NALF1: variants seen among roughly 807,000 people sequenced by gnomAD.
NALF1 encodes the protein family with sequence similarity 155 member A.
In NALF1, 3 loss-of-function variants were observed where a neutral mutation model predicts 48.4. The observed-to-expected ratio is 0.06, with a 90% CI of 0.03 to 0.16. NALF1 has a LOEUF of 0.16. Ranked by LOEUF, NALF1 falls within the 10% of genes least tolerant of loss-of-function variation. The pLI, the probability that NALF1 is intolerant of heterozygous loss-of-function variation, is 1.00. For synonymous variants in NALF1, 262 were observed against 245.7 expected (o/e 1.07, Z -0.62); for missense variants, 526 against 571.5 (o/e 0.92, Z 0.81).
chr13:107,408,290 A>G (rs1883933772), intron 1 of NALF1, among the ~76,000 whole-genome samples: 1 of 152,148 alleles, frequency 6.6e-6, no homozygotes, highest in Non-Finnish European at 1.5e-5. Flanking sequence ...CAATTGGATT[A>G]TTTGTAATCC....
At chr13:107,854,884 G>GA (rs996686158) in intron 1 of NALF1, among the ~76,000 whole-genome samples, 11 of 121,334 alleles carry the variant, frequency 9.1e-5, no homozygotes, top group Middle Eastern at 8.3e-3. Flanking sequence ...AAAAAAAAAA[G>GA]AAAAAAAGAC....
chr13:107,431,971 G>A (rs534114377), intron 1 of NALF1, among the ~76,000 whole-genome samples: 1 of 152,228 alleles, frequency 6.6e-6, no homozygotes, highest in Admixed American at 6.5e-5. Flanking sequence ...TATATTTTCT[G>A]TCTGTGTTAG....
At chr13:107,664,545 C>T (rs1202131963) in intron 1 of NALF1, among the ~76,000 whole-genome samples, 1 of 152,122 alleles carries the variant, frequency 6.6e-6, no homozygotes, top group African/African-American at 2.4e-5. Flanking sequence ...TCTGATCTGC[C>T]TTCCTCACCG....
At chr13:107,464,700 A>G (rs961023513) in intron 1 of NALF1, among the ~76,000 whole-genome samples, 1 of 151,950 alleles carries the variant, frequency 6.6e-6, no homozygotes, top group African/African-American at 2.4e-5. Context: ...TTGTATTTTT[A>G]GTAGAGACAG....
intron 1 of NALF1, among the ~76,000 whole-genome samples, chr13:107,318,518 T>C (rs1208260712): frequency 6.6e-6 from 1 of 152,074 alleles, no homozygotes; most frequent in Non-Finnish European, 1.5e-5. Context: ...CAAATGGGAA[T>C]TTAGATTTCT....
intron 1 of NALF1, among the ~76,000 whole-genome samples, chr13:107,316,999 T>C (rs1345385126): frequency 1.3e-5 from 2 of 152,138 alleles, no homozygotes; most frequent in Non-Finnish European, 2.9e-5. Context: ...TTTAGAAATG[T>C]AAATGAAAGA....
intron 1 of NALF1, among the ~76,000 whole-genome samples, chr13:107,830,108 G>C (rs1001401784): frequency 6.6e-6 from 1 of 152,036 alleles, no homozygotes; most frequent in Admixed American, 6.6e-5. Flanking sequence ...AGAACAATTC[G>C]GCCCAGCTGT....
intron 1 of NALF1, among the ~76,000 whole-genome samples, chr13:107,639,978 G>A (rs138363099): frequency 5.3e-5 from 8 of 152,100 alleles, no homozygotes; most frequent in South Asian, 4.2e-4. Flanking sequence ...TTTTGAATTC[G>A]TCTTTATAAT....
chr13:107,351,462 C>T (rs1204941992), intron 1 of NALF1, among the ~76,000 whole-genome samples: 1 of 152,172 alleles, frequency 6.6e-6, no homozygotes, highest in Non-Finnish European at 1.5e-5. Context: ...TTTGATAAGG[C>T]TTATCACAGA....
intron 1 of NALF1, among the ~76,000 whole-genome samples, chr13:107,770,249 T>C (rs1877542623): frequency 6.6e-6 from 1 of 152,134 alleles, no homozygotes; most frequent in Non-Finnish European, 1.5e-5. Flanking sequence ...ATCTCCAACA[T>C]TAGCCAAAGT....
intron 1 of NALF1, among the ~76,000 whole-genome samples, chr13:107,593,664 A>G (rs1487800618): frequency 6.6e-6 from 1 of 151,934 alleles, no homozygotes; most frequent in Non-Finnish European, 1.5e-5. Flanking sequence ...TGTTTGGGGC[A>G]CATACATCAT....
chr13:107,474,732 G>GTA (rs1380894610), intron 1 of NALF1, among the ~76,000 whole-genome samples: 8 of 152,148 alleles, frequency 5.3e-5, no homozygotes, highest in African/African-American at 1.7e-4. Flanking sequence ...ATCCAAGTAC[G>GTA]TATATGGGTA....
At chr13:107,408,283 T>C (rs1171850184) in intron 1 of NALF1, among the ~76,000 whole-genome samples, 1 of 152,120 alleles carries the variant, frequency 6.6e-6, no homozygotes, top group Non-Finnish European at 1.5e-5. Context: ...AAGTATACAA[T>C]TGGATTATTT....
At position 107,867,156 on chromosome 13, in the gene NALF1, CCT is replaced by C. The variant is rs1449907147; in HGVS notation, c.-562_-561del. ...CTCCTCCTCCTCCTCTTCTTCTCCT[CCT>C]CTTCCTCCTCCTTCCTTTCCTTCTC... On this transcript the variant is annotated 5_prime_UTR_variant, in exon 1 of 3. Coordinates refer to ENST00000375915, the MANE Select transcript of NALF1 (RefSeq NM_001080396.3). This position sits in a 1 kb window ranked among gnomAD's most constrained non-coding sequence, Gnocchi z 4.4. Among the ~76,000 whole-genome samples the C allele has an allele frequency of 6.6e-6, 1 of 151,852 alleles. No homozygotes were observed. The highest frequency in any genetic ancestry group is 1.5e-5 in the Non-Finnish European group (1 of 67,908).
At chr13:107,588,461 C>T (rs909588987) in intron 1 of NALF1, among the ~76,000 whole-genome samples, 2 of 151,932 alleles carry the variant, frequency 1.3e-5, no homozygotes, top group African/African-American at 4.8e-5. Context: ...ACAGAGACCC[C>T]AAATAATTGG....
chr13:107,393,903 C>T (rs1013288573), intron 1 of NALF1, among the ~76,000 whole-genome samples: 1 of 152,046 alleles, frequency 6.6e-6, no homozygotes, highest in Non-Finnish European at 1.5e-5. Flanking sequence ...TTGAGTATCA[C>T]AAATGAGAAA....
intron 1 of NALF1, among the ~76,000 whole-genome samples, chr13:107,393,272 G>T (rs186458271): frequency 1.3e-5 from 2 of 151,976 alleles, no homozygotes; most frequent in Admixed American, 1.3e-4. Context: ...CAAAATTTTA[G>T]ATTTAAAATC....
At chr13:107,523,642 C>A (rs1296057605) in intron 1 of NALF1, among the ~76,000 whole-genome samples, 1 of 150,992 alleles carries the variant, frequency 6.6e-6, no homozygotes, top group Non-Finnish European at 1.5e-5. Flanking sequence ...GGAGAGATTG[C>A]CTTCTTAAGG....
chr13:107,656,752 C>G (rs999913658), intron 1 of NALF1, among the ~76,000 whole-genome samples: 3 of 152,074 alleles, frequency 2.0e-5, no homozygotes, highest in African/African-American at 7.2e-5. Context: ...AAATATAGGA[C>G]CAGCCCAAAT....
Sources: allele counts gnomAD v4.1 joint callset (sites outside exome capture counted in the v4.1 genomes callset), GRCh38; gene constraint gnomAD v4.1.1; non-coding constraint Gnocchi (gnomAD v3.1); transcripts MANE v1.5; gene names NCBI Gene and HGNC (gene_info 2026-07-23, HGNC 2026-07-21).